Variants in CYP2C19 observed in about 807,000 individuals in gnomAD.
The protein encoded by CYP2C19 is cytochrome P450 family 2 subfamily C member 19, also known as cytochrome P450 2C19.
A neutral mutation model predicts 40.9 loss-of-function variants in CYP2C19; 59 were observed. The observed-to-expected ratio is 1.44, with a 90% CI of 1.17 to 1.79. The LOEUF (loss-of-function observed/expected upper bound fraction) is 1.79, where lower values mean the gene tolerates loss of function less well. Ranked by LOEUF, CYP2C19 falls within the 40% of genes most tolerant of loss-of-function variation. The pLI is 0.00. For missense variants in CYP2C19, 754 were observed against 596.9 expected (o/e 1.26, Z -2.74); for synonymous variants, 253 against 208.7 (o/e 1.21, Z -1.83).
At chr10:94,800,064 C>T (rs905273888) in intron 5 of CYP2C19, among the ~76,000 whole-genome samples, 1 of 152,134 alleles carries the variant, frequency 6.6e-6, no homozygotes, top group African/African-American at 2.4e-5. Flanking sequence ...GAGCTGTAAT[C>T]CCTTGAGGAG....
chr10:94,822,363 C>T (rs1014972692), intron 6 of CYP2C19, among the ~76,000 whole-genome samples: 1 of 152,114 alleles, frequency 6.6e-6, no homozygotes, highest in Non-Finnish European at 1.5e-5. Context: ...TTGAGTCCCT[C>T]CCATGACATG....
intron 1 of CYP2C19, among the ~76,000 whole-genome samples, chr10:94,765,296 T>TG (rs1274928562): frequency 3.3e-5 from 5 of 152,060 alleles, no homozygotes; most frequent in African/African-American, 1.2e-4. Flanking sequence ...TCTGATTTCC[T>TG]GGGGCAATGT....
chr10:94,809,557 T>C lies in CYP2C19; in HGVS notation c.820-10939T>C, dbSNP rs184339296. Among the ~76,000 whole-genome samples the C allele has an allele frequency of 5.2e-4, 79 of 152,166 alleles. 2 individuals carry two copies. The highest frequency in any genetic ancestry group is 4.1e-3 in the Admixed American group (63 of 15,276). On this transcript the variant is annotated intron_variant, in intron 5 of 8. Transcript: ENST00000371321. ...TCCTGTTTGAATACCTTTTATTTTA[T>C]TTCTTTCTCTTGCCTGATTGCCCTG...
At position 94,820,523 on chromosome 10, in the gene CYP2C19, A is replaced by C. The variant is rs1361966534; in HGVS notation, c.847A>C (p.Thr283Pro). The change falls in exon 6 of 9, where the codon ACT (threonine) becomes CCT (proline). Residue 283 changes from threonine (T) to proline (P), a missense_variant. By Grantham distance (38) the Thr-to-Pro change is conservative (BLOSUM62 -1). Transcript: ENST00000371321. The stretch of plus-strand genomic sequence containing the variant: ...AAAGCAAAACCAACAGTCTGAATTC[A>C]CTATTGAAAACTTGGTAATCACTGC... ...KEKQNQQSEFTIENLVITAAD... is the reference protein window; with the variant it reads ...KEKQNQQSEFPIENLVITAAD... 4 of 1,614,078 alleles carry C rather than the reference A, an allele frequency of 2.5e-6. No homozygotes were observed. Among genetic ancestry groups the C allele is most frequent in the Non-Finnish European group, 3.4e-6 (4 of 1,180,050 alleles).
Position 94,765,587 on chromosome 10 carries a change from C to T in CYP2C19, c.168+2714C>T, listed in dbSNP as rs138748929. On this transcript the variant is annotated intron_variant, in intron 1 of 8. Coordinates refer to ENST00000371321, the MANE Select transcript of CYP2C19 (RefSeq NM_000769.4). ...TGGAGAAAAAACCGTTCTGTGTCTACTAGGAACCATTCAAGAGAGTGATTG... is the reference window on the plus strand; with the variant it reads ...TGGAGAAAAAACCGTTCTGTGTCTATTAGGAACCATTCAAGAGAGTGATTG... 3.2e-4 allele frequency among the ~76,000 whole-genome samples: 49 copies of T among 152,140 alleles called. No homozygotes were observed. In the East Asian group the frequency reaches 8.9e-3, roughly 28 times the overall value.
intron 1 of CYP2C19, among the ~76,000 whole-genome samples, chr10:94,763,332 C>G (rs971907018): frequency 2.6e-5 from 4 of 152,008 alleles, no homozygotes; most frequent in Admixed American, 6.6e-5. Flanking sequence ...GGTTTAGGAC[C>G]AGCAAAAGCA....
intron 1 of CYP2C19, among the ~76,000 whole-genome samples, chr10:94,764,349 A>G (rs181140404): frequency 2.0e-5 from 3 of 152,276 alleles, no homozygotes; most frequent in Non-Finnish European, 2.9e-5. Flanking sequence ...TGTGTTTACA[A>G]ACCTTTAGCT....
At chr10:94,830,913 A>G (rs1849324045) in intron 6 of CYP2C19, among the ~76,000 whole-genome samples, 1 of 152,054 alleles carries the variant, frequency 6.6e-6, no homozygotes, top group Admixed American at 6.6e-5. Flanking sequence ...AAACAATTCA[A>G]TTACACTCTT....
intron 7 of CYP2C19, 77 bp downstream of exon 7, chr10:94,843,101 C>G: frequency 6.4e-7 from 1 of 1,551,248 alleles, no homozygotes; most frequent in South Asian, 1.1e-5. Flanking sequence ...TACCCTCTAC[C>G]ATCACTGGGT....
At chr10:94,816,651 A>C (rs950851691) in intron 5 of CYP2C19, among the ~76,000 whole-genome samples, 1 of 151,160 alleles carries the variant, frequency 6.6e-6, no homozygotes, top group Non-Finnish European at 1.5e-5. Context: ...ATATGTATAC[A>C]TGTGCCATCC....
chr10:94,821,117 A>T (rs973898405), intron 6 of CYP2C19, among the ~76,000 whole-genome samples: 5 of 152,130 alleles, frequency 3.3e-5, no homozygotes, highest in Admixed American at 3.3e-4. Context: ...AAGAAAAGAA[A>T]AAAAGGACAT....
chr10:94,811,307 G>A lies in CYP2C19; in HGVS notation c.820-9189G>A, dbSNP rs1261408917. Among the ~76,000 whole-genome samples, 3 of 152,158 alleles carry A rather than the reference G, an allele frequency of 2.0e-5. No individual in the cohort carries two copies. The East Asian group carries it at 5.8e-4, about 29-fold the overall frequency. ...ATGGGTGTTTTACTTCCAATTATGT[G>A]GTCAATTTTAGAATAAGTGTGAAGT... On this transcript the variant is annotated intron_variant, in intron 5 of 8. Transcript: ENST00000371321.
chr10:94,772,928 C>A (rs1848355146), intron 1 of CYP2C19, among the ~76,000 whole-genome samples: 1 of 152,110 alleles, frequency 6.6e-6, no homozygotes. Flanking sequence ...ACTACAGGCG[C>A]CCGCCACCGC....
chr10:94,827,870 T>C (rs1343851979), intron 6 of CYP2C19, among the ~76,000 whole-genome samples: 3 of 152,062 alleles, frequency 2.0e-5, no homozygotes, highest in Non-Finnish European at 2.9e-5. Context: ...TGTGTCTTTG[T>C]TCTTGTTGGT....
chr10:94,811,125 T>A lies in CYP2C19; in HGVS notation c.820-9371T>A, dbSNP rs148054052. 3.4e-3 allele frequency among the ~76,000 whole-genome samples: 516 copies of A among 152,310 alleles called. 2 individuals are homozygous for A. The highest frequency in any genetic ancestry group is 0.012 in the African/African-American group (500 of 41,572). ...TTCAAAGAACATCTTTATTTTGCCT[T>A]CATTTTGTTATTTACCCAGTAGTCA... On this transcript the variant is annotated intron_variant, in intron 5 of 8. Transcript: ENST00000371321.
chr10:94,784,232 A>AT (rs1848513159), intron 5 of CYP2C19, among the ~76,000 whole-genome samples: 1 of 4,084 alleles, frequency 2.4e-4, no homozygotes, highest in Admixed American at 7.1e-3. Flanking sequence ...TCTGTACTTC[A>AT]TTCTTTTTGT....
intron 7 of CYP2C19, among the ~76,000 whole-genome samples, chr10:94,847,530 AT>A (rs1339449366): frequency 1.3e-5 from 2 of 152,180 alleles, no homozygotes; most frequent in Non-Finnish European, 2.9e-5. Flanking sequence ...TAGTGCTGCA[AT>A]AAATATACGT....
intron 7 of CYP2C19, among the ~76,000 whole-genome samples, chr10:94,845,875 A>G (rs1458741929): frequency 6.6e-6 from 1 of 152,106 alleles, no homozygotes; most frequent in Non-Finnish European, 1.5e-5. Flanking sequence ...TTAAGAATAA[A>G]TAACATTACA....
intron 6 of CYP2C19, among the ~76,000 whole-genome samples, chr10:94,830,578 C>A (rs887332862): frequency 1.3e-5 from 2 of 152,152 alleles, no homozygotes; most frequent in South Asian, 4.1e-4. Flanking sequence ...TGAGATGAAC[C>A]GGGTACCTCA....
Sources: gnomAD v4.1 joint callset for allele counts (sites outside exome capture counted in the v4.1 genomes callset) on GRCh38, gnomAD v4.1.1 for gene constraint, MANE v1.5 for transcripts, NCBI Gene and HGNC (gene_info 2026-07-23, HGNC 2026-07-21) for gene names.